Variants in FAM13A observed in about 807,000 individuals in gnomAD.
The protein encoded by FAM13A is protein FAM13A.
A neutral mutation model predicts 129.6 loss-of-function variants in FAM13A; 76 were observed. The ratio of observed to expected loss-of-function variants is 0.59; its 90% CI spans 0.49 to 0.71. FAM13A has a LOEUF of 0.71. Ranked by LOEUF, FAM13A falls within the 30% of genes least tolerant of loss-of-function variation. FAM13A has a pLI of 0.00. For missense variants in FAM13A, 1,108 were observed against 1,249.3 expected (o/e 0.89, Z 1.70); for synonymous variants, 443 against 449.9 (o/e 0.98, Z 0.20).
intron 13 of FAM13A, among the ~76,000 whole-genome samples, chr4:88,763,277 G>A (rs966976258): frequency 6.6e-6 from 1 of 150,730 alleles, no homozygotes; most frequent in Admixed American, 6.6e-5. Context: ...TTTCCCATTC[G>A]TTCATTCATT....
chr4:88,871,408 G>A (rs1424813798), intron 6 of FAM13A, among the ~76,000 whole-genome samples: 1 of 152,168 alleles, frequency 6.6e-6, no homozygotes, highest in Non-Finnish European at 1.5e-5. Context: ...ATACAGATGA[G>A]ATGAATGGCT....
At chr4:88,856,189 C>CT (rs1738457416) in intron 6 of FAM13A, among the ~76,000 whole-genome samples, 1 of 152,176 alleles carries the variant, frequency 6.6e-6, no homozygotes, top group African/African-American at 2.4e-5. Flanking sequence ...TACAAAAACT[C>CT]TAAGTGTGGA....
At chr4:88,980,964 T>G (rs1761588647) in intron 4 of FAM13A, among the ~76,000 whole-genome samples, 1 of 152,218 alleles carries the variant, frequency 6.6e-6, no homozygotes, top group Non-Finnish European at 1.5e-5. Flanking sequence ...TAAACATTTT[T>G]GGTGCTGCCA....
At chr4:88,750,982 C>T (rs780673097) in intron 14 of FAM13A, among the ~76,000 whole-genome samples, 2 of 152,252 alleles carry the variant, frequency 1.3e-5, no homozygotes, top group Non-Finnish European at 2.9e-5. Flanking sequence ...ATGTGCATGC[C>T]TGTAATCCCA....
chr4:88,969,882 C>T (rs545831587), intron 4 of FAM13A, among the ~76,000 whole-genome samples: 2 of 152,332 alleles, frequency 1.3e-5, no homozygotes, highest in Non-Finnish European at 2.9e-5. Context: ...GAAGCCTATG[C>T]TCTGAAGTGT....
chr4:88,823,404 G>C, intron 7 of FAM13A: 1 of 863,418 alleles, frequency 1.2e-6, no homozygotes, highest in African/African-American at 1.8e-5. Flanking sequence ...CTCTCCTCCT[G>C]CTCCTGCTCC....
chr4:88,823,269 A>G, intron 7 of FAM13A: 2 of 1,258,820 alleles, frequency 1.6e-6, no homozygotes, highest in Non-Finnish European at 2.0e-6. Context: ...CCAGGGAAGC[A>G]GCTGAACCAC....
intron 8 of FAM13A, among the ~76,000 whole-genome samples, chr4:88,793,326 A>G (rs1476081994): frequency 2.0e-5 from 3 of 152,044 alleles, no homozygotes; most frequent in African/African-American, 7.2e-5. Context: ...TCAGTTGTAG[A>G]GCACATTTCT....
rs765968683 is a variant in FAM13A, at chr4:88,767,610, A to T, written c.1536-15T>A. On this transcript the variant is annotated splice_polypyrimidine_tract_variant and intron_variant, in intron 12 of 23. Coordinates refer to ENST00000264344, the MANE Select transcript of FAM13A (RefSeq NM_014883.4). ...CATTTCCTTTCCTATAAATAATGGC[A>T]ACAACAAAAAAATCATAAAATATCT... 2.5e-6 allele frequency: 4 copies of T among 1,580,650 alleles called. No individual in the cohort carries two copies. The highest frequency in any genetic ancestry group is 3.4e-6 in the Non-Finnish European group (4 of 1,165,194).
intron 1 of FAM13A, among the ~76,000 whole-genome samples, chr4:89,055,175 T>C (rs1011593363): frequency 2.6e-5 from 4 of 152,352 alleles, no homozygotes; most frequent in Middle Eastern, 3.4e-3. Context: ...TATCAGCTCA[T>C]TGAATGTATT....
intron 3 of FAM13A, among the ~76,000 whole-genome samples, chr4:89,013,002 T>C (rs537748624): frequency 2.0e-5 from 3 of 152,254 alleles, no homozygotes; most frequent in South Asian, 2.1e-4. Flanking sequence ...CTTTATCACA[T>C]ATTGATGTAT....
chr4:88,815,121 G>T (rs559235369), intron 7 of FAM13A, among the ~76,000 whole-genome samples: 1 of 152,218 alleles, frequency 6.6e-6, no homozygotes, highest in African/African-American at 2.4e-5. Flanking sequence ...GGGATTACAG[G>T]TGTGTGCCAC....
In FAM13A at chr4:88,881,525, GA is replaced by G. The variant is rs1424903034; in HGVS notation, c.843+24853del. On this transcript the variant is annotated intron_variant, in intron 6 of 23. Coordinates refer to ENST00000264344, the MANE Select transcript of FAM13A (RefSeq NM_014883.4). ...CCTCTGACATAGTCTACCCAAATGAGAAGGAAACAGAAAAACAATTCTGGTA... is the reference window on the plus strand; with the variant it reads ...CCTCTGACATAGTCTACCCAAATGAGAGGAAACAGAAAAACAATTCTGGTA... Among the ~76,000 whole-genome samples the G allele has an allele frequency of 1.7e-4, 26 of 152,272 alleles. 1 individual carries two copies. Among genetic ancestry groups the G allele is most frequent in the African/African-American group, 5.5e-4 (23 of 41,550 alleles).
chr4:88,780,124 T>C (rs1426149844), intron 11 of FAM13A, among the ~76,000 whole-genome samples: 1 of 152,224 alleles, frequency 6.6e-6, no homozygotes, highest in Non-Finnish European at 1.5e-5. Context: ...GGTAGATTAT[T>C]ATTTCTGTTC....
intron 6 of FAM13A, among the ~76,000 whole-genome samples, chr4:88,894,289 T>C (rs1745902360): frequency 2.0e-5 from 3 of 152,260 alleles, no homozygotes; most frequent in Middle Eastern, 3.4e-3. Flanking sequence ...GACTTAAATA[T>C]TGGAGACAAT....
At chr4:88,890,450 A>G (rs1227677077) in intron 6 of FAM13A, among the ~76,000 whole-genome samples, 1 of 152,204 alleles carries the variant, frequency 6.6e-6, no homozygotes, top group Non-Finnish European at 1.5e-5. Flanking sequence ...CTAGGGTTAC[A>G]ACTGCTTATA....
chr4:88,787,491 C>G (rs1425636743), intron 10 of FAM13A, among the ~76,000 whole-genome samples: 1 of 152,074 alleles, frequency 6.6e-6, no homozygotes, highest in Non-Finnish European at 1.5e-5. Flanking sequence ...TATGAGGAAG[C>G]CATAGGGTGT....
chr4:88,810,610 TCTTA>T (rs1429050226), intron 7 of FAM13A, among the ~76,000 whole-genome samples: 3 of 152,084 alleles, frequency 2.0e-5, no homozygotes, highest in Non-Finnish European at 4.4e-5. Context: ...GGTGCTTCAA[TCTTA>T]CTTACACAAA....
Position 89,029,461 on chromosome 4 carries a change from A to T in FAM13A, c.216T>A (p.His72Gln). 1 of 1,596,850 alleles carries T rather than the reference A, an allele frequency of 6.3e-7. No individual in the cohort carries two copies. Among genetic ancestry groups the T allele is most frequent in the Non-Finnish European group, 8.5e-7 (1 of 1,175,040 alleles). ...AGACTAAAGCATGACTTAACTCACC[A>T]TGCTGCGTCAAATATTCCACTATAT... is the stretch of plus-strand genomic sequence containing the variant. ...VWNIVEYLTQ[H>Q]GLTQEGLFRV... is the part of the protein sequence containing the mutation. The change falls in exon 2 of 24, where the codon CAT (histidine) becomes CAA (glutamine). Residue 72 changes from histidine to glutamine, a missense_variant and splice_region_variant. Physicochemically the swap from His to Gln is conservative, Grantham distance 24. This residue lies in a region of FAM13A where 566 missense variants were observed against 595.7 expected (regional missense o/e 0.95). Coordinates refer to ENST00000264344, the MANE Select transcript of FAM13A (RefSeq NM_014883.4).
Sources: gnomAD v4.1 joint callset for allele counts (sites outside exome capture counted in the v4.1 genomes callset) on GRCh38, gnomAD v4.1.1 for gene constraint, gnomAD v4.1.1 regional missense constraint, MANE v1.5 for transcripts, NCBI Gene and HGNC (gene_info 2026-07-23, HGNC 2026-07-21) for gene names.